Variants in CDH12 observed in about 807,000 individuals in gnomAD.
CDH12 encodes cadherin-12.
CDH12 carries 41 observed loss-of-function variants against 74.1 expected under a neutral mutation model. The ratio of observed to expected loss-of-function variants is 0.55; its 90% CI spans 0.43 to 0.72. The LOEUF is 0.72. Among genes scored for constraint, CDH12 ranks in the 30% least tolerant of loss-of-function variants. The pLI is 0.00. For synonymous variants in CDH12, 399 were observed against 355.0 expected, an observed-to-expected ratio of 1.12 and a Z score of -1.39; for missense variants, 945 against 977.2, an observed-to-expected ratio of 0.97 and a Z score of 0.44.
chr5:22,769,162 G>T (rs1413120239), intron 1 of CDH12, among the ~76,000 whole-genome samples: 1 of 152,096 alleles, frequency 6.6e-6, no homozygotes, highest in Non-Finnish European at 1.5e-5. Flanking sequence ...TTGTTTCTGG[G>T]TATTTCTGTG....
intron 10 of CDH12, among the ~76,000 whole-genome samples, chr5:21,801,585 C>T (rs1477987671): frequency 1.3e-5 from 2 of 152,158 alleles, no homozygotes; most frequent in Non-Finnish European, 2.9e-5. Context: ...GAGCAGGAAG[C>T]AGCTTCTTGC....
chr5:22,163,540 A>G (rs1297530102), intron 4 of CDH12, among the ~76,000 whole-genome samples: 1 of 151,980 alleles, frequency 6.6e-6, no homozygotes, highest in Non-Finnish European at 1.5e-5. Flanking sequence ...GTTGTTCTTG[A>G]TTTTCTTTTT....
intron 1 of CDH12, among the ~76,000 whole-genome samples, chr5:22,590,601 T>A (rs1212587262): frequency 6.6e-6 from 1 of 152,194 alleles, no homozygotes; most frequent in African/African-American, 2.4e-5. Flanking sequence ...ATTTCTAAAA[T>A]TCATTCCAAC....
intron 1 of CDH12, among the ~76,000 whole-genome samples, chr5:22,610,868 T>C (rs1416789931): frequency 6.6e-6 from 1 of 152,058 alleles, no homozygotes; most frequent in Non-Finnish European, 1.5e-5. Context: ...GTATAAACAA[T>C]ATCATATTAA....
intron 5 of CDH12, among the ~76,000 whole-genome samples, chr5:22,072,929 T>C (rs1378406786): frequency 6.6e-6 from 1 of 152,092 alleles, no homozygotes; most frequent in Non-Finnish European, 1.5e-5. Flanking sequence ...AAGCATCCAC[T>C]GGGTGTTGAG....
chr5:21,930,678 A>G (rs1754794134), intron 6 of CDH12, among the ~76,000 whole-genome samples: 1 of 152,152 alleles, frequency 6.6e-6, no homozygotes, highest in African/African-American at 2.4e-5. Flanking sequence ...ACATTTTATT[A>G]CTTCTCCAAG....
At chr5:22,290,776 A>T (rs1737352405) in intron 3 of CDH12, among the ~76,000 whole-genome samples, 1 of 152,200 alleles carries the variant, frequency 6.6e-6, no homozygotes, top group Admixed American at 6.5e-5. Flanking sequence ...AAATAACTTA[A>T]TACATGCAAC....
At chr5:22,723,841 G>A (rs973360378) in intron 1 of CDH12, among the ~76,000 whole-genome samples, 2 of 151,950 alleles carry the variant, frequency 1.3e-5, no homozygotes, top group African/African-American at 4.8e-5. Flanking sequence ...TACAGTTTCT[G>A]GAAACAACAT....
chr5:21,880,812 T>C (rs1191929612), intron 6 of CDH12, among the ~76,000 whole-genome samples: 1 of 151,742 alleles, frequency 6.6e-6, no homozygotes, highest in Non-Finnish European at 1.5e-5. Flanking sequence ...GCTCTCAGTA[T>C]TTTTGATCGT....
chr5:22,482,835 C>A (rs1746437908), intron 2 of CDH12, among the ~76,000 whole-genome samples: 1 of 152,088 alleles, frequency 6.6e-6, no homozygotes, highest in African/African-American at 2.4e-5. Flanking sequence ...TACCATTCAC[C>A]TTGGAAGATG....
chr5:22,702,004 C>T (rs1437788693), intron 1 of CDH12, among the ~76,000 whole-genome samples: 1 of 152,038 alleles, frequency 6.6e-6, no homozygotes, highest in Non-Finnish European at 1.5e-5. Flanking sequence ...TGTTCAAAAC[C>T]CAAGACTAAA....
chr5:21,759,650 C>T (rs1376411929), intron 13 of CDH12, among the ~76,000 whole-genome samples: 1 of 151,708 alleles, frequency 6.6e-6, no homozygotes, highest in African/African-American at 2.4e-5. Context: ...AAATATAATA[C>T]CTGCATTCTT....
intron 1 of CDH12, among the ~76,000 whole-genome samples, chr5:22,825,324 T>G (rs1422816161): frequency 6.6e-6 from 1 of 152,128 alleles, no homozygotes; most frequent in Non-Finnish European, 1.5e-5. Context: ...CATTAAATAA[T>G]GTCTGGGAAA....
intron 1 of CDH12, among the ~76,000 whole-genome samples, chr5:22,596,283 C>CA (rs1426330772): frequency 4.0e-5 from 6 of 149,078 alleles, no homozygotes; most frequent in East Asian, 2.0e-4. Context: ...ACGAAAAATA[C>CA]AAAAAAAATT....
chr5:21,801,541 A>G (rs1220905978), intron 10 of CDH12, among the ~76,000 whole-genome samples: 2 of 152,200 alleles, frequency 1.3e-5, no homozygotes, highest in Non-Finnish European at 2.9e-5. Context: ...AGTGGACTTT[A>G]TGTGTTGAGA....
intron 1 of CDH12, among the ~76,000 whole-genome samples, chr5:22,692,259 G>C (rs269010): frequency 1.3e-5 from 2 of 151,994 alleles, no homozygotes; most frequent in Non-Finnish European, 2.9e-5. Context: ...GGTGGTGTCC[G>C]GGCTTCTCAT....
At chr5:21,945,628 A>G (rs1022173286) in intron 6 of CDH12, among the ~76,000 whole-genome samples, 2 of 151,826 alleles carry the variant, frequency 1.3e-5, no homozygotes, top group African/African-American at 4.8e-5. Context: ...TTAAAATACA[A>G]TAATGGAAAT....
In CDH12 at chr5:21,803,109, C is replaced by CA. The variant is rs1201114624; in HGVS notation, c.1003-690dup. 5.3e-5 allele frequency among the ~76,000 whole-genome samples: 8 copies of CA among 149,894 alleles called. No individual in the cohort carries two copies. In the South Asian group the frequency reaches 6.2e-4, roughly 12 times the overall value. On this transcript the variant is annotated intron_variant, in intron 9 of 14. Transcript: ENST00000382254. The stretch of plus-strand genomic sequence containing the variant: ...TCTAGTGGAACAAAGCAATGATAAA[C>CA]AAAAAAATGAATAAAAATGAAATAG...
At chr5:22,820,666 C>T (rs1357527601) in intron 1 of CDH12, among the ~76,000 whole-genome samples, 9 of 152,078 alleles carry the variant, frequency 5.9e-5, no homozygotes, top group African/African-American at 1.7e-4. Context: ...CACATACATC[C>T]TCCCAAGACT....
Sources: allele counts gnomAD v4.1 joint callset (sites outside exome capture counted in the v4.1 genomes callset), GRCh38; gene constraint gnomAD v4.1.1; transcripts MANE v1.5; gene names NCBI Gene and HGNC (gene_info 2026-07-23, HGNC 2026-07-21).